GAS7: variants seen among roughly 807,000 people sequenced by gnomAD.
GAS7 encodes growth arrest specific 7, also known as growth arrest-specific protein 7.
In GAS7, 28 loss-of-function variants were observed where a neutral mutation model predicts 71.1. The ratio of observed to expected loss-of-function variants is 0.39; its 90% CI spans 0.29 to 0.54. The LOEUF is 0.54. Among genes scored for constraint, GAS7 ranks in the 20% least tolerant of loss-of-function variants. The pLI, the probability that GAS7 is intolerant of heterozygous loss-of-function variation, is 0.62. For synonymous variants in GAS7, 258 were observed against 245.8 expected, an observed-to-expected ratio of 1.05 and a Z score of -0.46; for missense variants, 436 against 627.8, an observed-to-expected ratio of 0.69 and a Z score of 3.27.
intron 1 of GAS7, among the ~76,000 whole-genome samples, chr17:10,101,108 C>CAAA (rs3076187): frequency 4.0e-5 from 6 of 151,636 alleles, no homozygotes; most frequent in South Asian, 4.2e-4. Flanking sequence ...ATCTCAAAAA[C>CAAA]AAAAAAAACC....
intron 9 of GAS7, among the ~76,000 whole-genome samples, chr17:9,928,988 CCTA>C: frequency 6.6e-6 from 1 of 152,216 alleles, no homozygotes. Context: ...GTAAATATGT[CCTA>C]CTATTTTTTT....
At chr17:10,006,611 G>A (rs959165219) in intron 2 of GAS7, among the ~76,000 whole-genome samples, 12 of 151,948 alleles carry the variant, frequency 7.9e-5, no homozygotes, top group South Asian at 2.1e-4. Flanking sequence ...TTACAGGCGC[G>A]AGCCACCGTG....
chr17:10,159,041 C>T (rs1479644458), intron 1 of GAS7, among the ~76,000 whole-genome samples: 1 of 46,936 alleles, frequency 2.1e-5, no homozygotes, highest in East Asian at 6.9e-4. Flanking sequence ...GCGTGGACAA[C>T]AGAGTGAGAC....
At position 9,969,627 on chromosome 17, in the gene GAS7, A is replaced by G; in HGVS notation, c.471+50T>C. The G allele has an allele frequency of 9.1e-7, 1 of 1,104,474 alleles. No individual in the cohort carries two copies. The highest frequency in any genetic ancestry group is 1.4e-6 in the Non-Finnish European group (1 of 716,338). The allele number at this position is 1,104,474 out of a possible 1,614,324, so 68.4% of individuals were successfully genotyped here. On this transcript the variant is annotated intron_variant, in intron 4 of 13. Transcript: ENST00000432992. The surrounding 1 kb of genome is among the most constrained non-coding windows in gnomAD (Gnocchi z 5.5). ...GATGGACTTTGTAATGCAGTTTCCT[A>G]GGCCTGCAGAAGCAGTGACCGCTAT...
At position 10,042,033 on chromosome 17, in the gene GAS7, A is replaced by T. The variant is rs193079863; in HGVS notation, c.184-22136T>A. ...ATTAATAGGCCGAGCACGGTGGCTC[A>T]TGCCTGTAATCCTAGCACGTTGGGA... On this transcript the variant is annotated intron_variant, in intron 1 of 13. Transcript: ENST00000432992. Among the ~76,000 whole-genome samples the T allele has an allele frequency of 1.8e-4, 28 of 152,334 alleles. 3 individuals are homozygous for T. In the East Asian group the frequency reaches 5.4e-3, roughly 29 times the overall value.
chr17:9,967,427 C>A (rs1227384146), intron 4 of GAS7, among the ~76,000 whole-genome samples: 1 of 151,608 alleles, frequency 6.6e-6, no homozygotes, highest in Non-Finnish European at 1.5e-5. Context: ...CACCCCCCCT[C>A]CCCAGGCGTG....
rs547432671 is a variant in GAS7, at chr17:9,974,311, C to T, written c.386-4549G>A. 6.6e-6 allele frequency among the ~76,000 whole-genome samples: 1 copy of T among 152,198 alleles called. No individual in the cohort carries two copies. The highest frequency in any genetic ancestry group is 2.1e-4 in the South Asian group (1 of 4,814). Reference sequence around the variant, plus strand: ...TCAGTGGAGATCTAGACAGTTATAGCCCACAAGATCCTGGCAACCCTCACC... The same window carrying T: ...TCAGTGGAGATCTAGACAGTTATAGTCCACAAGATCCTGGCAACCCTCACC... On this transcript the variant is annotated intron_variant, in intron 3 of 13. Coordinates refer to ENST00000432992, the MANE Select transcript of GAS7 (RefSeq NM_201433.2). This position sits in a 1 kb window ranked among gnomAD's most constrained non-coding sequence, Gnocchi z 4.0.
chr17:10,118,522 C>A (rs2073880115), intron 1 of GAS7, among the ~76,000 whole-genome samples: 1 of 152,012 alleles, frequency 6.6e-6, no homozygotes. Flanking sequence ...GCCAGCCTGG[C>A]CAACACGGTA....
At chr17:10,107,116 C>A (rs2073764320) in intron 1 of GAS7, among the ~76,000 whole-genome samples, 1 of 152,198 alleles carries the variant, frequency 6.6e-6, no homozygotes, top group Non-Finnish European at 1.5e-5. Context: ...CCTGCCGACA[C>A]CTTAATTTTT....
At chr17:10,086,763 A>G (rs1312912374) in intron 1 of GAS7, among the ~76,000 whole-genome samples, 2 of 152,214 alleles carry the variant, frequency 1.3e-5, no homozygotes, top group Non-Finnish European at 2.9e-5. Flanking sequence ...GATTTGGTTC[A>G]GTCCTAGGCA....
intron 1 of GAS7, among the ~76,000 whole-genome samples, chr17:10,024,470 G>T (rs536842603): frequency 6.6e-6 from 1 of 152,166 alleles, no homozygotes; most frequent in East Asian, 1.9e-4. Context: ...ACACAGGCCC[G>T]GGGGCTGGGG....
chr17:10,029,397 A>T (rs879900330), intron 1 of GAS7, among the ~76,000 whole-genome samples: 1 of 152,274 alleles, frequency 6.6e-6, no homozygotes, highest in Non-Finnish European at 1.5e-5. Flanking sequence ...GTGAAGAATG[A>T]CGAAATCACG....
chr17:9,961,348 A>C (rs2069484344), intron 4 of GAS7, among the ~76,000 whole-genome samples: 1 of 152,194 alleles, frequency 6.6e-6, no homozygotes, highest in Non-Finnish European at 1.5e-5. Context: ...AGGAGAAGAG[A>C]CAGGGATAGA....
intron 9 of GAS7, among the ~76,000 whole-genome samples, chr17:9,931,270 C>T (rs760174864): frequency 2.6e-5 from 4 of 152,198 alleles, no homozygotes; most frequent in Non-Finnish European, 4.4e-5. Context: ...TGGTGGTTGA[C>T]GGCAATGAGT....
At chr17:9,996,724 C>T (rs966574426) in intron 2 of GAS7, among the ~76,000 whole-genome samples, 8 of 151,806 alleles carry the variant, frequency 5.3e-5, no homozygotes, top group East Asian at 1.9e-4. Flanking sequence ...CTGCAACCTC[C>T]GCCTCCCAGG....
intron 1 of GAS7, among the ~76,000 whole-genome samples, chr17:10,173,786 A>C (rs1057195448): frequency 6.6e-6 from 1 of 152,082 alleles, no homozygotes; most frequent in Admixed American, 6.5e-5. Flanking sequence ...AAGAAAAAAA[A>C]AGAGACCCTC....
At position 9,911,582 on chromosome 17, in the gene GAS7, T is replaced by C. The variant is rs77331803; in HGVS notation, c.*5646A>G. On this transcript the variant is annotated 3_prime_UTR_variant, in exon 14 of 14. Transcript: ENST00000432992. The surrounding 1 kb of genome is among the most constrained non-coding windows in gnomAD (Gnocchi z 4.0). ...GAGAAGCGAATTGGTTTTTGCCCTC[T>C]GTCTGATTCTCGCTCTAACCTGCTG... is the stretch of plus-strand genomic sequence containing the variant. The C allele has an allele frequency of 0.012, 2,835 of 233,182 alleles. 122 individuals are homozygous for C. Among genetic ancestry groups the C allele is most frequent in the East Asian group, 0.12 (1,912 of 16,544 alleles). The allele number at this position is 233,182 out of a possible 1,614,324, so 14.4% of individuals were successfully genotyped here. A position where few individuals can be genotyped will look rare whatever the true frequency, so the allele number is the denominator to read the frequency against.
chr17:10,030,273 T>G (rs1049363150), intron 1 of GAS7, among the ~76,000 whole-genome samples: 32 of 152,096 alleles, frequency 2.1e-4, no homozygotes, highest in Non-Finnish European at 7.4e-5. Context: ...GGTGGATAGG[T>G]TGGGACCAAA....
At chr17:10,147,304 A>G (rs1001395592) in intron 1 of GAS7, among the ~76,000 whole-genome samples, 1 of 152,192 alleles carries the variant, frequency 6.6e-6, no homozygotes, top group African/African-American at 2.4e-5. Flanking sequence ...CTTCCAGGCA[A>G]AGCCAGCAGT....
Sources: gnomAD v4.1 joint callset for allele counts (sites outside exome capture counted in the v4.1 genomes callset) on GRCh38, gnomAD v4.1.1 for gene constraint, Gnocchi (gnomAD v3.1) non-coding constraint, MANE v1.5 for transcripts, NCBI Gene and HGNC (gene_info 2026-07-23, HGNC 2026-07-21) for gene names.